Variants in FYB1 observed in about 807,000 individuals in gnomAD.
The protein encoded by FYB1 is FYN-binding protein 1.
In FYB1, 41 loss-of-function variants were observed where a neutral mutation model predicts 94.1. The observed-to-expected ratio is 0.44, with a 90% CI of 0.34 to 0.57. FYB1 has a LOEUF of 0.57. Ranked by LOEUF, FYB1 falls within the 20% of genes least tolerant of loss-of-function variation. FYB1 has a pLI of 0.02. For missense variants in FYB1, 1,050 were observed against 976.8 expected (o/e 1.07, Z -1.00); for synonymous variants, 367 against 353.2 (o/e 1.04, Z -0.44).
At chr5:39,239,983 G>A (rs1018666357) in intron 1 of FYB1, among the ~76,000 whole-genome samples, 1 of 152,064 alleles carries the variant, frequency 6.6e-6, no homozygotes, top group Non-Finnish European at 1.5e-5. Flanking sequence ...CAGACACATA[G>A]ACCAATGGAA....
chr5:39,253,992 T>C (rs1276206612), intron 1 of FYB1, among the ~76,000 whole-genome samples: 1 of 152,186 alleles, frequency 6.6e-6, no homozygotes, highest in Non-Finnish European at 1.5e-5. Context: ...TCCAGTTCCA[T>C]CCACGTCCCA....
chr5:39,195,251 C>T (rs1379063983), intron 2 of FYB1, among the ~76,000 whole-genome samples: 1 of 152,186 alleles, frequency 6.6e-6, no homozygotes, highest in African/African-American at 2.4e-5. Flanking sequence ...CGCTACGTTT[C>T]TAAAATGTGA....
intron 3 of FYB1, among the ~76,000 whole-genome samples, chr5:39,148,153 T>A (rs1160549840): frequency 5.0e-5 from 4 of 79,464 alleles, no homozygotes; most frequent in African/African-American, 1.0e-4. Context: ...TATATGTATT[T>A]TTTATATATA....
chr5:39,206,877 C>T (rs907194749), intron 1 of FYB1, among the ~76,000 whole-genome samples: 2 of 152,156 alleles, frequency 1.3e-5, no homozygotes, highest in African/African-American at 2.4e-5. Context: ...CTACTCTGCA[C>T]CTTGCCTTTT....
chr5:39,265,939 G>A (rs1217967793), intron 1 of FYB1, among the ~76,000 whole-genome samples: 1 of 149,786 alleles, frequency 6.7e-6, no homozygotes, highest in African/African-American at 2.5e-5. Context: ...TGGATGAAAG[G>A]AACAAAACAA....
intron 14 of FYB1, among the ~76,000 whole-genome samples, chr5:39,121,277 T>C (rs1052526322): frequency 1.3e-5 from 2 of 151,544 alleles, no homozygotes; most frequent in Non-Finnish European, 2.9e-5. Context: ...TACTGAAGAT[T>C]CCATTTTTGT....
intron 3 of FYB1, among the ~76,000 whole-genome samples, chr5:39,153,014 T>C (rs1167477257): frequency 6.6e-6 from 1 of 152,202 alleles, no homozygotes; most frequent in Non-Finnish European, 1.5e-5. Flanking sequence ...TGATACTATC[T>C]AATCAATAAG....
intron 1 of FYB1, among the ~76,000 whole-genome samples, chr5:39,243,422 G>A (rs1302290066): frequency 6.6e-6 from 1 of 151,586 alleles, no homozygotes; most frequent in African/African-American, 2.4e-5. Flanking sequence ...TCTTGTTTTT[G>A]TCAGTTTTGT....
chr5:39,180,633 T>C (rs1746138481), intron 2 of FYB1, among the ~76,000 whole-genome samples: 1 of 152,214 alleles, frequency 6.6e-6, no homozygotes, highest in Non-Finnish European at 1.5e-5. Context: ...AGAGCTATTT[T>C]AGCAAAAGAT....
intron 1 of FYB1, among the ~76,000 whole-genome samples, chr5:39,254,059 T>C (rs1751839296): frequency 6.6e-6 from 1 of 152,208 alleles, no homozygotes; most frequent in African/African-American, 2.4e-5. Flanking sequence ...AGTTCTATGG[T>C]GTATATGTAC....
intron 1 of FYB1, among the ~76,000 whole-genome samples, chr5:39,263,107 GAGA>G (rs1210315446): frequency 6.6e-6 from 1 of 152,184 alleles, no homozygotes; most frequent in East Asian, 1.9e-4. Context: ...AATTTAAAAA[GAGA>G]AGGACATGAG....
rs75614599 is a variant in FYB1, at chr5:39,218,372, A to T, written c.-28+1071T>A. 7.2e-5 allele frequency among the ~76,000 whole-genome samples: 11 copies of T among 152,196 alleles called. No homozygotes were observed. In the East Asian group the frequency reaches 1.9e-3, roughly 27 times the overall value. On this transcript the variant is annotated intron_variant, in intron 1 of 18. Transcript: ENST00000512982. ...TTTCTTAAGGTATCGGACTATTTGA[A>T]GTGTGTGTATCTCACATTGCATGGG...
In FYB1 at chr5:39,202,803, T is replaced by C. The variant is rs758352781; in HGVS notation, c.158A>G (p.Asn53Ser). 6.2e-7 allele frequency: 1 copy of C among 1,613,980 alleles called. No individual in the cohort carries two copies. The highest frequency in any genetic ancestry group is 8.5e-7 in the Non-Finnish European group (1 of 1,179,868). ...GNASPPAGPS[N>S]VPKFGSPKPP... ...CTTTGGGGACCCAAACTTAGGTACA[T>C]TGCTGGGTCCTGCAGGAGGGCTGGC... Residue 53 changes from asparagine (N) to serine (S), a missense_variant, in exon 2 of 19, where the codon AAT becomes AGT. Asn to Ser is a conservative substitution (Grantham distance 46, BLOSUM62 1). Coordinates refer to ENST00000512982, the MANE Select transcript of FYB1 (RefSeq NM_001465.6).
At chr5:39,218,057 A>G (rs947734876) in intron 1 of FYB1, among the ~76,000 whole-genome samples, 2 of 152,210 alleles carry the variant, frequency 1.3e-5, no homozygotes, top group Non-Finnish European at 2.9e-5. Flanking sequence ...AAGCCTCTGG[A>G]CTCCAGCAGA....
intron 4 of FYB1, among the ~76,000 whole-genome samples, chr5:39,140,552 G>A (rs1387303326): frequency 6.6e-6 from 1 of 152,162 alleles, no homozygotes; most frequent in Non-Finnish European, 1.5e-5. Flanking sequence ...GTATTCCACA[G>A]CTCTTAGCAA....
At chr5:39,190,925 G>C (rs1031192877) in intron 2 of FYB1, among the ~76,000 whole-genome samples, 1 of 152,254 alleles carries the variant, frequency 6.6e-6, no homozygotes, top group East Asian at 1.9e-4. Context: ...CAATGACTGA[G>C]AGCACATGAG....
At chr5:39,118,465 G>A (rs1292646505) in intron 16 of FYB1, among the ~76,000 whole-genome samples, 1 of 152,136 alleles carries the variant, frequency 6.6e-6, no homozygotes, top group African/African-American at 2.4e-5. Context: ...TGACTTTAGT[G>A]TATACATGAA....
chr5:39,159,568 T>C (rs1247041264), intron 2 of FYB1, among the ~76,000 whole-genome samples: 1 of 152,192 alleles, frequency 6.6e-6, no homozygotes, highest in Non-Finnish European at 1.5e-5. Context: ...CTTGCCTTCC[T>C]CACGTACTAC....
intron 1 of FYB1, chr5:39,212,607 C>T (rs1436742423): frequency 6.6e-6 from 1 of 152,178 alleles, no homozygotes; most frequent in African/African-American, 2.4e-5. Flanking sequence ...GCACATCACA[C>T]CTCTTAGCTC....
Sources: gnomAD v4.1 joint callset for allele counts (sites outside exome capture counted in the v4.1 genomes callset) on GRCh38, gnomAD v4.1.1 for gene constraint, MANE v1.5 for transcripts, NCBI Gene and HGNC (gene_info 2026-07-23, HGNC 2026-07-21) for gene names.